Variants in RNF6 observed in about 807,000 individuals in gnomAD.
RNF6 encodes the protein ring finger protein 6, also known as E3 ubiquitin-protein ligase RNF6.
A neutral mutation model predicts 50.1 loss-of-function variants in RNF6; 21 were observed. That is an observed-to-expected ratio of 0.42 (90% CI 0.30 to 0.60). The LOEUF (loss-of-function observed/expected upper bound fraction) is 0.60, where lower values mean the gene tolerates loss of function less well. Among genes scored for constraint, RNF6 ranks in the 20% least tolerant of loss-of-function variants. RNF6 has a pLI of 0.20. For missense variants in RNF6, 698 were observed against 838.2 expected (o/e 0.83, Z 2.07); for synonymous variants, 255 against 291.8 (o/e 0.87, Z 1.29).
At chr13:26,155,047 A>AAC (rs1200342511) in intron 5 of RNF6, among the ~76,000 whole-genome samples, 1 of 151,138 alleles carries the variant, frequency 6.6e-6, no homozygotes, top group African/African-American at 2.4e-5. Flanking sequence ...GCAAAAAACA[A>AAC]AAAAAAAACT....
intron 5 of RNF6, among the ~76,000 whole-genome samples, chr13:26,187,943 G>A (rs1476798710): frequency 6.6e-6 from 1 of 152,208 alleles, no homozygotes; most frequent in Non-Finnish European, 1.5e-5. Flanking sequence ...CTGGACACTA[G>A]GTGTCAAAAA....
chr13:26,164,313 A>G (rs1253686225), intron 5 of RNF6, among the ~76,000 whole-genome samples: 1 of 152,168 alleles, frequency 6.6e-6, no homozygotes, highest in Non-Finnish European at 1.5e-5. Flanking sequence ...TAGAGCCACC[A>G]ACCCTGTAAT....
chr13:26,169,838 C>T (rs893641002), intron 5 of RNF6, among the ~76,000 whole-genome samples: 10 of 152,126 alleles, frequency 6.6e-5, no homozygotes, highest in African/African-American at 2.4e-4. Flanking sequence ...CTACAGTCTC[C>T]CTATGCCCAC....
At position 26,179,304 on chromosome 13, in the gene RNF6, CAGAT is replaced by C. The variant is rs1242700576; in HGVS notation, n.768+36166_768+36169del. On this transcript the variant is annotated intron_variant and non_coding_transcript_variant, in intron 5 of 5. Coordinates refer to the RNF6 transcript ENST00000468480. ...TCAGGCAAAGAAAATGTATTACCCACAGATAGACAGCAAGAATCAACAGAAGCCT... is the reference window on the plus strand; with the variant it reads ...TCAGGCAAAGAAAATGTATTACCCACAGACAGCAAGAATCAACAGAAGCCT... 3.3e-5 allele frequency among the ~76,000 whole-genome samples: 5 copies of C among 152,182 alleles called. No homozygotes were observed. The East Asian group carries it at 9.6e-4, about 29-fold the overall frequency.
At chr13:26,164,673 T>G (rs560946019) in intron 5 of RNF6, among the ~76,000 whole-genome samples, 17 of 152,162 alleles carry the variant, frequency 1.1e-4, no homozygotes, top group Non-Finnish European at 2.2e-4. Context: ...TACCTAAAAA[T>G]CTCTAAAGAA....
At chr13:26,149,933 CACAGTGTATATATAATGTGTATAT>C in intron 5 of RNF6, among the ~76,000 whole-genome samples, 1 of 59,554 alleles carries the variant, frequency 1.7e-5, no homozygotes, top group South Asian at 5.5e-4. Context: ...TATATATATA[CACAGTGTATATATAATGTGTATAT>C]ATATATACAC....
At chr13:26,164,433 A>T (rs568628795) in intron 5 of RNF6, among the ~76,000 whole-genome samples, 1 of 152,220 alleles carries the variant, frequency 6.6e-6, no homozygotes, top group South Asian at 2.1e-4. Flanking sequence ...GCCTTTGATC[A>T]TGTGTCTCCA....
chr13:26,154,969 G>A (rs1233224798), intron 5 of RNF6, among the ~76,000 whole-genome samples: 1 of 152,000 alleles, frequency 6.6e-6, no homozygotes, highest in Non-Finnish European at 1.5e-5. Flanking sequence ...GGCAGAAGTT[G>A]CAGGGGGCCA....
intron 5 of RNF6, among the ~76,000 whole-genome samples, chr13:26,201,296 T>C (rs1593183677): frequency 6.6e-6 from 1 of 152,194 alleles, no homozygotes; most frequent in Non-Finnish European, 1.5e-5. Context: ...ACTTACCACA[T>C]GACCCATGGG....
intron 5 of RNF6, among the ~76,000 whole-genome samples, chr13:26,204,591 A>G (rs1869030644): frequency 6.6e-6 from 1 of 152,114 alleles, no homozygotes; most frequent in Non-Finnish European, 1.5e-5. Context: ...CTTGGCAATT[A>G]ACTGAGAAAT....
At chr13:26,146,513 T>G (rs1871252674) in intron 5 of RNF6, among the ~76,000 whole-genome samples, 1 of 152,200 alleles carries the variant, frequency 6.6e-6, no homozygotes. Flanking sequence ...ACAATTTTAT[T>G]TCTCACAGTC....
chr13:26,220,807 T>C (rs1199599201), intron 2 of RNF6, among the ~76,000 whole-genome samples: 2 of 152,210 alleles, frequency 1.3e-5, no homozygotes, highest in Non-Finnish European at 2.9e-5. Flanking sequence ...GAAGCAACTG[T>C]GCAACTCTGC....
intron 5 of RNF6, among the ~76,000 whole-genome samples, chr13:26,191,089 T>C (rs953844190): frequency 1.8e-4 from 27 of 152,320 alleles, no homozygotes; most frequent in Admixed American, 5.2e-4. Flanking sequence ...AAATAGGTGA[T>C]ATTCCATGGA....
intron 5 of RNF6, among the ~76,000 whole-genome samples, chr13:26,185,411 A>AATACAT (rs1410289792): frequency 5.9e-5 from 9 of 152,206 alleles, no homozygotes; most frequent in Non-Finnish European, 8.8e-5. Flanking sequence ...CTTATAAATA[A>AATACAT]ATACATATAC....
intron 5 of RNF6, among the ~76,000 whole-genome samples, chr13:26,198,694 G>A (rs1302637290): frequency 1.3e-5 from 2 of 151,652 alleles, no homozygotes; most frequent in African/African-American, 4.9e-5. Context: ...AAAGGAAAAA[G>A]CAAAAGTATC....
At chr13:26,187,807 T>C (rs1407577415) in intron 5 of RNF6, among the ~76,000 whole-genome samples, 1 of 152,174 alleles carries the variant, frequency 6.6e-6, no homozygotes. Flanking sequence ...CACTGCAGCC[T>C]TGAACTGTTG....
chr13:26,222,684 CTCA>C (rs1870636168), upstream of RNF6: 2 of 152,294 alleles, frequency 1.3e-5, no homozygotes, highest in Non-Finnish European at 2.9e-5. Flanking sequence ...GAGACAAGGT[CTCA>C]TCCTGTCGCC....
chr13:26,154,884 G>T (rs1871824959), intron 5 of RNF6, among the ~76,000 whole-genome samples: 1 of 151,982 alleles, frequency 6.6e-6, no homozygotes, highest in Non-Finnish European at 1.5e-5. Context: ...AAAAAAATTA[G>T]CCGGATGTGG....
chr13:26,154,145 G>A (rs1481718182), intron 5 of RNF6: 1 of 152,252 alleles, frequency 6.6e-6, no homozygotes, highest in Non-Finnish European at 1.5e-5. Flanking sequence ...AAAATCGAGG[G>A]AGAAATGACC....
Sources: allele counts gnomAD v4.1 joint callset (sites outside exome capture counted in the v4.1 genomes callset), GRCh38; gene constraint gnomAD v4.1.1; transcripts MANE v1.5; gene names NCBI Gene and HGNC (gene_info 2026-07-23, HGNC 2026-07-21).